The following WDR90 variants were observed in gnomAD, a reference collection of about 807,000 sequenced individuals.
WDR90 encodes WD repeat domain 90, also known as WD repeat-containing protein 90.
WDR90 carries 238 observed loss-of-function variants against 195.2 expected under a neutral mutation model. The observed-to-expected ratio is 1.22, with a 90% CI of 1.10 to 1.36. WDR90 has a LOEUF of 1.36. WDR90 is among the 40% of genes most tolerant of loss of function. The probability of loss-of-function intolerance (pLI) is 0.00; values close to 1 mark genes in which losing one functional copy is unlikely to be tolerated. For synonymous variants in WDR90, 1,265 were observed against 1,052.4 expected, an observed-to-expected ratio of 1.20 and a Z score of -3.91; for missense variants, 2,734 against 2,439.5, an observed-to-expected ratio of 1.12 and a Z score of -2.54.
rs769789804 is a variant in WDR90, at chr16:651,881, G to A, written c.895G>A (p.Glu299Lys). Residue 299 changes from glutamate to lysine, a missense_variant, in exon 9 of 41, where the codon GAG becomes AAG. Transcript: ENST00000293879. ...CTTCCCGGAGGTCAGCCTGTCCCAA[G>A]AGCGCTCAGACGCCTCCAACGCGGA... ...RPFPEVSLSQ[E>K]RSDASNADGP... The A allele has an allele frequency of 1.9e-5, 31 of 1,610,842 alleles. No individual in the cohort carries two copies. The highest frequency in any genetic ancestry group is 2.4e-5 in the Non-Finnish European group (28 of 1,179,896).
At position 666,533 on chromosome 16, in the gene WDR90, G is replaced by A. The variant is rs371191203; in HGVS notation, c.4819G>A (p.Asp1607Asn). ...CCAGCGGGTCAGCGTCTGGGCCTCC[G>A]ACTGGCTGCGGAACCACTGTGAGCT... ...GDQRVSVWAS[D>N]WLRNHCELVD... is the part of the protein sequence containing the mutation. Residue 1607 changes from aspartate (D) to asparagine (N), a missense_variant, in exon 38 of 41, where the codon GAC becomes AAC. Physicochemically the swap from Asp to Asn is conservative, Grantham distance 23 (BLOSUM62 1). Coordinates refer to ENST00000293879, the MANE Select transcript of WDR90 (RefSeq NM_145294.5). 38 of 1,612,730 alleles carry A rather than the reference G, an allele frequency of 2.4e-5. No individual in the cohort carries two copies. In the South Asian group the frequency reaches 2.5e-4, roughly 11 times the overall value.
rs774534386 is a variant in WDR90 at position 658,970 on chromosome 16, G to T, written c.2970G>T (p.Gly990=). 6.2e-7 allele frequency: 1 copy of T among 1,612,860 alleles called. No homozygotes were observed. The stretch of plus-strand genomic sequence containing the variant: ...ACCAGCAGCAGGTCCTCAGCGCAGG[G>T]GACGCCGTCTTCCTCTGGGATGTCC... ...SPDQQQVLSA[G]DAVFLWDVLA... is the part of the protein sequence containing the mutation. Residue 990 remains glycine (G), a synonymous_variant, in exon 24 of 41, where the codon GGG becomes GGT. Coordinates refer to ENST00000293879, the MANE Select transcript of WDR90 (RefSeq NM_145294.5).
Position 651,095 on chromosome 16 carries a change from C to T in WDR90, c.660C>T (p.Ile220=). The change falls in exon 6 of 41, where the codon ATC becomes ATT. Residue 220 remains isoleucine, a synonymous_variant. Coordinates refer to ENST00000293879, the MANE Select transcript of WDR90 (RefSeq NM_145294.5). The part of the protein sequence containing the change: ...PKGESWHDRY[I]HVRFPSESLK... The stretch of plus-strand genomic sequence containing the variant: ...GAGAGAGCTGGCATGACCGCTACAT[C>T]CACGTCCGGTGAGTGGTTCTGCTTC... 6.2e-7 allele frequency: 1 copy of T among 1,613,566 alleles called. No individual in the cohort carries two copies. Among genetic ancestry groups the T allele is most frequent in the Non-Finnish European group, 8.5e-7 (1 of 1,179,986 alleles).
In WDR90 at chr16:667,667, A is replaced by G; in HGVS notation, c.*78A>G. 1.3e-6 allele frequency: 2 copies of G among 1,581,712 alleles called. No homozygotes were observed. Among genetic ancestry groups the G allele is most frequent in the Middle Eastern group, 1.7e-4 (1 of 6,028 alleles). ...TGGACACAGGCTTGGCAGAGGCGCC[A>G]GGTTGTCAATGGCCTCATGCTGGGA... On this transcript the variant is annotated 3_prime_UTR_variant, in exon 41 of 41. Transcript: ENST00000293879.
In WDR90 at chr16:658,854, T is replaced by C. The variant is rs757701294; in HGVS notation, c.2896-42T>C. On this transcript the variant is annotated intron_variant, in intron 23 of 40. Transcript: ENST00000293879. The stretch of plus-strand genomic sequence containing the variant: ...GGGACTGGGCACACGGCAGCATCCA[T>C]GCCCCGCCTCGGGGTCCTGCATGTG... The C allele has an allele frequency of 4.4e-6, 7 of 1,604,214 alleles. No homozygotes were observed. The African/African-American group carries it at 6.7e-5, about 15-fold the overall frequency.
In WDR90 at chr16:660,990, GCCCCTCCCC is replaced by G. The variant is rs1397370597; in HGVS notation, c.3392-60_3392-52del. On this transcript the variant is annotated intron_variant, in intron 28 of 40. Coordinates refer to ENST00000293879, the MANE Select transcript of WDR90 (RefSeq NM_145294.5). ...CGCCCCCTGTTCGGCCCCTCCCCAG[GCCCCTCCCC>G]GCCCCCCCCCCCCCCCGGCCCGGCC... The G allele has an allele frequency of 1.8e-4, 4 of 21,770 alleles. 1 individual carries two copies. In the African/African-American group the frequency reaches 4.3e-3, roughly 23 times the overall value. 1.3% of individuals were successfully genotyped at this position (21,770 alleles called of 1,614,324 possible).
At chr16:657,727 C>A (rs1281457360) in intron 20 of WDR90, 35 bp from the exon 21 acceptor site, 2 of 1,511,868 alleles carry the variant, frequency 1.3e-6, no homozygotes, top group East Asian at 2.5e-5. Context: ...CCCGGCACTC[C>A]CCACCCAGCT....
In WDR90 at chr16:656,330, T is replaced by C. The variant is rs1490790694; in HGVS notation, c.1995T>C (p.Cys665=). Residue 665 remains cysteine, a synonymous_variant, in exon 18 of 41, where the codon TGT becomes TGC. Transcript: ENST00000293879. ...ACGAGGGCCCCGTCAGCTCAGTCTG[T>C]GTCAGCCCCGATGGCCTCCGTGTGC... is the stretch of plus-strand genomic sequence containing the variant. ...AEHEGPVSSV[C]VSPDGLRVLS... 4 of 1,609,328 alleles carry C rather than the reference T, an allele frequency of 2.5e-6. No homozygotes were observed. Among genetic ancestry groups the C allele is most frequent in the Non-Finnish European group, 3.4e-6 (4 of 1,179,664 alleles).
chr16:660,911 G>C, intron 28 of WDR90, 140 bp from the exon 29 acceptor site: 1 of 675,722 alleles, frequency 1.5e-6, no homozygotes, highest in Admixed American at 5.8e-5. Flanking sequence ...TGGGGAGGGC[G>C]CAGCTGGGAC....
intron 20 of WDR90, 124 bp from the exon 21 acceptor site, chr16:657,638 T>C: frequency 6.7e-6 from 9 of 1,335,580 alleles, no homozygotes; most frequent in Non-Finnish European, 7.9e-6. Context: ...GCCGGTGTGA[T>C]GCGTCTGTGC....
At chr16:660,490 C>G in intron 27 of WDR90, 122 bp from the exon 28 acceptor site, 1 of 993,258 alleles carries the variant, frequency 1.0e-6, no homozygotes, top group South Asian at 1.5e-5. Flanking sequence ...GCTTCCCCGT[C>G]TGCCCCTGGG....
Position 653,654 on chromosome 16 carries a change from G to A in WDR90, c.1363G>A (p.Val455Ile), listed in dbSNP as rs777170272. ...GTGCCTGTTCCGGAGCCCAATGCAC[G>A]TTGTCTGCTCTCTCAGGTGAGCACA... ...CLCLFRSPMHVVCSLSFSDSG... is the reference protein window; with the variant it reads ...CLCLFRSPMHIVCSLSFSDSG... The change falls in exon 12 of 41, where the codon GTT (valine) becomes ATT (isoleucine). Residue 455 changes from valine to isoleucine, a missense_variant. Physicochemically the swap from Val to Ile is conservative, Grantham distance 29 (BLOSUM62 3). Transcript: ENST00000293879. 6.2e-6 allele frequency: 10 copies of A among 1,613,400 alleles called. No homozygotes were observed. Among genetic ancestry groups the A allele is most frequent in the East Asian group, 4.5e-5 (2 of 44,894 alleles).
rs771071169 is a variant in WDR90, at chr16:651,981, C to A, written c.995C>A (p.Thr332Asn). 6.2e-7 allele frequency: 1 copy of A among 1,606,878 alleles called. No homozygotes were observed. Residue 332 changes from threonine (T) to asparagine (N), a missense_variant, in exon 9 of 41, where the codon ACC becomes AAC. By Grantham distance (65) the Thr-to-Asn change is moderately conservative. Transcript: ENST00000293879. ...ASDIHTAAAG[T>N]HVLTHESAEV... is the part of the protein sequence containing the mutation. ...GACATCCACACGGCTGCTGCCGGCA[C>A]CCACGTGTTGACTCACGAGTCGGCT...
At chr16:667,087 G>A in intron 40 of WDR90, 98 bp downstream of exon 40, 1 of 1,287,892 alleles carries the variant, frequency 7.8e-7, no homozygotes, top group African/African-American at 1.5e-5. Flanking sequence ...CTGTGCCCCG[G>A]GCTCCTCGTC....
In WDR90 at chr16:655,659, G is replaced by A. The variant is rs971086811; in HGVS notation, c.1805G>A (p.Arg602Gln). The part of the protein sequence containing the change: ...VRHARRLLPT[R>Q]TPGGPHPQKQ... The stretch of plus-strand genomic sequence containing the variant: ...CATGCCCGCCGCCTGCTCCCCACAC[G>A]GACTCCAGGCGGTCCCCACCCACAG... Residue 602 changes from arginine (R) to glutamine (Q), a missense_variant, in exon 16 of 41, where the codon CGG becomes CAG. Arg to Gln is a conservative substitution (Grantham distance 43). Coordinates refer to ENST00000293879, the MANE Select transcript of WDR90 (RefSeq NM_145294.5). 3.2e-5 allele frequency: 51 copies of A among 1,604,168 alleles called. No homozygotes were observed. The highest frequency in any genetic ancestry group is 4.3e-5 in the Non-Finnish European group (50 of 1,175,598).
At position 659,300 on chromosome 16, in the gene WDR90, G is replaced by C; in HGVS notation, c.3108G>C (p.Arg1036=). Residue 1036 remains arginine, a synonymous_variant, in exon 26 of 41, where the codon CGG becomes CGC. Coordinates refer to ENST00000293879, the MANE Select transcript of WDR90 (RefSeq NM_145294.5). ...CGTCCAGGGCCAGCGAGCTCCCCCGGCAGCAGGTCCCCAAGCCATGTCAGG... is the reference window on the plus strand; with the variant it reads ...CGTCCAGGGCCAGCGAGCTCCCCCGCCAGCAGGTCCCCAAGCCATGTCAGG... The part of the protein sequence containing the change: ...DAASRASELP[R]QQVPKPCQAS... 1.2e-6 allele frequency: 2 copies of C among 1,602,066 alleles called. No individual in the cohort carries two copies. Among genetic ancestry groups the C allele is most frequent in the Non-Finnish European group, 1.7e-6 (2 of 1,175,284 alleles).
chr16:661,577 C>T lies in WDR90; in HGVS notation c.3674-20C>T, dbSNP rs764473187. 2 of 1,579,952 alleles carry T rather than the reference C, an allele frequency of 1.3e-6. No individual in the cohort carries two copies. Among genetic ancestry groups the T allele is most frequent in the African/African-American group, 1.3e-5 (1 of 74,408 alleles). ...GGCTGCATCTGTGCACCTGACGTGG[C>T]TGCTCTGTGTCCTTCCCAGGGGACC... On this transcript the variant is annotated intron_variant, in intron 30 of 40. Coordinates refer to ENST00000293879, the MANE Select transcript of WDR90 (RefSeq NM_145294.5).
rs891296749 is a variant in WDR90, at chr16:660,630, G to A, written c.3307G>A (p.Ala1103Thr). The A allele has an allele frequency of 6.7e-5, 106 of 1,572,720 alleles. No homozygotes were observed. Among genetic ancestry groups the A allele is most frequent in the Non-Finnish European group, 8.9e-5 (103 of 1,160,040 alleles). ...HSAKGTCPPPASGGWLRLKAV... is the reference protein window; with the variant it reads ...HSAKGTCPPPTSGGWLRLKAV... The stretch of plus-strand genomic sequence containing the variant: ...CTCGCAGGGCACTTGCCCGCCTCCC[G>A]CCAGCGGTGGGTGGCTGCGTCTGAA... Residue 1103 changes from alanine to threonine, a missense_variant, in exon 28 of 41, where the codon GCC (alanine) becomes ACC (threonine). Physicochemically the swap from Ala to Thr is moderately conservative, Grantham distance 58. Coordinates refer to ENST00000293879, the MANE Select transcript of WDR90 (RefSeq NM_145294.5).
intron 10 of WDR90, 23 bp downstream of exon 10, chr16:652,558 C>A: frequency 6.3e-7 from 1 of 1,586,540 alleles, no homozygotes; most frequent in South Asian, 1.1e-5. Context: ...CGGCTGTGTC[C>A]AGAGCAGCTC....
Sources: allele counts gnomAD v4.1 joint callset, GRCh38; gene constraint gnomAD v4.1.1; transcripts MANE v1.5; gene names NCBI Gene and HGNC (gene_info 2026-07-23, HGNC 2026-07-21).